ASTN2: variants seen among roughly 807,000 people sequenced by gnomAD.
ASTN2 encodes astrotactin 2.
In ASTN2, 54 loss-of-function variants were observed where a neutral mutation model predicts 139.8. The observed-to-expected ratio is 0.39, with a 90% CI of 0.31 to 0.48. The LOEUF (loss-of-function observed/expected upper bound fraction) is 0.48, where lower values mean the gene tolerates loss of function less well. Among genes scored for constraint, ASTN2 ranks in the 20% least tolerant of loss-of-function variants. The pLI, the probability that ASTN2 is intolerant of heterozygous loss-of-function variation, is 0.95. For missense variants in ASTN2, 1,565 were observed against 1,725.1 expected (o/e 0.91, Z 1.64); for synonymous variants, 756 against 719.5 (o/e 1.05, Z -0.81).
chr9:117,069,437 T>C lies in ASTN2; in HGVS notation c.1276+26607A>G, dbSNP rs1263153687. ...GAGAGCTTTACTTCCAAGTATGTGA[T>C]CAATTTTGGAATAGGTGTGGTGTGG... On this transcript the variant is annotated intron_variant, in intron 5 of 22. Transcript: ENST00000313400. Among the ~76,000 whole-genome samples, 14 of 104,216 alleles carry C rather than the reference T, an allele frequency of 1.3e-4. 2 individuals are homozygous for C. The highest frequency in any genetic ancestry group is 5.5e-4 in the African/African-American group (13 of 23,630). 68.4% of individuals were successfully genotyped at this position (104,216 alleles called of 152,430 possible).
intron 16 of ASTN2, among the ~76,000 whole-genome samples, chr9:116,705,843 A>G (rs921194358): frequency 1.3e-5 from 2 of 152,174 alleles, no homozygotes; most frequent in African/African-American, 4.8e-5. Context: ...CCTTAAAAGT[A>G]AAGGGAATAT....
In ASTN2 at chr9:117,414,369, C is replaced by T. The variant is rs1464726778; in HGVS notation, c.442+128G>A. The stretch of plus-strand genomic sequence containing the variant: ...CACCTGTGCGACCTCTGGGCCCCTC[C>T]TCTACCCTCTGCCAACCCCACTCGG... On this transcript the variant is annotated intron_variant, in intron 1 of 22. Transcript: ENST00000313400. This position sits in a 1 kb window ranked among gnomAD's most constrained non-coding sequence, Gnocchi z 4.2. 4 of 1,448,832 alleles carry T rather than the reference C, an allele frequency of 2.8e-6. No homozygotes were observed. Among genetic ancestry groups the T allele is most frequent in the Non-Finnish European group, 3.7e-6 (4 of 1,093,076 alleles). The allele number at this position is 1,448,832 out of a possible 1,614,324, so 89.7% of individuals were successfully genotyped here. A position where few individuals can be genotyped will look rare whatever the true frequency, so the allele number is the denominator to read the frequency against.
chr9:116,607,939 C>T (rs10114757), intron 19 of ASTN2, among the ~76,000 whole-genome samples: 3,348 of 152,124 alleles, frequency 0.022, 126 homozygotes, highest in African/African-American at 0.076. Context: ...CCAGCCTGGG[C>T]GACAGAGCGA....
chr9:117,164,300 C>T (rs1830619542), intron 3 of ASTN2, among the ~76,000 whole-genome samples: 1 of 152,028 alleles, frequency 6.6e-6, no homozygotes, highest in Non-Finnish European at 1.5e-5. Flanking sequence ...GTTCAGCACT[C>T]TTTCTGTGAC....
chr9:117,104,294 A>G (rs769338715), intron 4 of ASTN2, among the ~76,000 whole-genome samples: 1 of 152,246 alleles, frequency 6.6e-6, no homozygotes, highest in Non-Finnish European at 1.5e-5. Flanking sequence ...AAATCATAGC[A>G]TATAGTCTTT....
intron 19 of ASTN2, chr9:116,568,467 T>C (rs1343412021): frequency 6.6e-6 from 1 of 152,238 alleles, no homozygotes; most frequent in Non-Finnish European, 1.5e-5. Context: ...AACCTGTCCA[T>C]CTTCAGAACC....
intron 13 of ASTN2, among the ~76,000 whole-genome samples, chr9:116,750,199 T>G (rs1829359833): frequency 6.6e-6 from 1 of 152,154 alleles, no homozygotes; most frequent in Non-Finnish European, 1.5e-5. Flanking sequence ...AAGCAAAAGA[T>G]AGAAAATAAT....
chr9:116,837,545 A>G (rs556110821), intron 11 of ASTN2, among the ~76,000 whole-genome samples: 1 of 152,142 alleles, frequency 6.6e-6, no homozygotes, highest in African/African-American at 2.4e-5. Context: ...TCGACTTTTC[A>G]TCATCACCAA....
At chr9:117,109,802 G>T (rs914213421) in intron 4 of ASTN2, among the ~76,000 whole-genome samples, 3 of 152,078 alleles carry the variant, frequency 2.0e-5, no homozygotes, top group African/African-American at 7.2e-5. Flanking sequence ...ACCATGCATT[G>T]ACAATTTTGA....
At chr9:117,024,256 C>T (rs1837984631) in intron 6 of ASTN2, among the ~76,000 whole-genome samples, 1 of 152,102 alleles carries the variant, frequency 6.6e-6, no homozygotes, top group African/African-American at 2.4e-5. Context: ...AGCAATGCAG[C>T]TTATGTTTAC....
chr9:116,783,220 C>CT (rs916193767), intron 13 of ASTN2, among the ~76,000 whole-genome samples: 14 of 149,098 alleles, frequency 9.4e-5, no homozygotes, highest in South Asian at 2.2e-4. Flanking sequence ...AAAACAGTTC[C>CT]TTTTTTTTTT....
intron 20 of ASTN2, among the ~76,000 whole-genome samples, chr9:116,463,330 G>A (rs10759840): frequency 1.3e-5 from 2 of 151,770 alleles, no homozygotes; most frequent in Non-Finnish European, 2.9e-5. Context: ...AAAGCTCTTC[G>A]ATCTCTCCCC....
At chr9:117,195,079 T>G (rs1831459741) in intron 3 of ASTN2, among the ~76,000 whole-genome samples, 1 of 152,208 alleles carries the variant, frequency 6.6e-6, no homozygotes, top group Non-Finnish European at 1.5e-5. Context: ...ACTGATCTCA[T>G]GGAACCTTCA....
chr9:116,864,530 A>G (rs1832970450), intron 10 of ASTN2, among the ~76,000 whole-genome samples: 1 of 152,204 alleles, frequency 6.6e-6, no homozygotes, highest in Non-Finnish European at 1.5e-5. Flanking sequence ...ACAATGGAGG[A>G]TACAGATGGG....
Position 116,424,120 on chromosome 9 carries a change from CT to C in ASTN2, c.*1730del, listed in dbSNP as rs1847247064. 6.6e-6 allele frequency among the ~76,000 whole-genome samples: 1 copy of C among 152,148 alleles called. No individual in the cohort carries two copies. Among genetic ancestry groups the C allele is most frequent in the Non-Finnish European group, 1.5e-5 (1 of 68,038 alleles). On this transcript the variant is annotated 3_prime_UTR_variant, in exon 23 of 23. Coordinates refer to ENST00000313400, the MANE Select transcript of ASTN2 (RefSeq NM_001365068.1). The stretch of plus-strand genomic sequence containing the variant: ...TGAGGGTGTTAAGAATTTATAACAT[CT>C]CTTCATACTCATTACCCTCCCAGGG...
chr9:116,742,514 T>G (rs950982631), intron 13 of ASTN2, among the ~76,000 whole-genome samples: 1 of 152,128 alleles, frequency 6.6e-6, no homozygotes, highest in Non-Finnish European at 1.5e-5. Context: ...GTAGTGTCAA[T>G]AAATGCTTAA....
intron 13 of ASTN2, among the ~76,000 whole-genome samples, chr9:116,792,023 A>T (rs1227511488): frequency 6.6e-6 from 1 of 152,104 alleles, no homozygotes; most frequent in Non-Finnish European, 1.5e-5. Flanking sequence ...TCATAAAATG[A>T]CCAGGTTTGG....
intron 2 of ASTN2, among the ~76,000 whole-genome samples, chr9:117,248,855 A>G (rs1035437943): frequency 1.3e-5 from 2 of 152,140 alleles, no homozygotes; most frequent in Non-Finnish European, 2.9e-5. Flanking sequence ...TGCAACACCC[A>G]GTGTTGTGTT....
chr9:117,203,522 T>A (rs1238425680), intron 3 of ASTN2, among the ~76,000 whole-genome samples: 1 of 152,128 alleles, frequency 6.6e-6, no homozygotes, highest in Non-Finnish European at 1.5e-5. Context: ...GGGGTTTTTG[T>A]GGGGGCCTTT....
Sources: gnomAD v4.1 joint callset for allele counts (sites outside exome capture counted in the v4.1 genomes callset) on GRCh38, gnomAD v4.1.1 for gene constraint, Gnocchi (gnomAD v3.1) non-coding constraint, MANE v1.5 for transcripts, NCBI Gene and HGNC (gene_info 2026-07-23, HGNC 2026-07-21) for gene names.